C10orf67: variants seen among roughly 807,000 people sequenced by gnomAD.
The protein encoded by C10orf67 is uncharacterized protein C10orf67, mitochondrial.
In C10orf67, 60 loss-of-function variants were observed where a neutral mutation model predicts 35.6. That is an observed-to-expected ratio of 1.68 (90% confidence interval 1.37 to 2.09). The LOEUF is 2.09. Among genes scored for constraint, C10orf67 ranks in the 30% most tolerant of loss-of-function variants. C10orf67 has a pLI of 0.00. For missense variants in C10orf67, 474 were observed against 330.2 expected (o/e 1.44, Z -3.38); for synonymous variants, 167 against 115.8 (o/e 1.44, Z -2.84).
chr10:23,226,076 G>A (rs1441787261), intron 13 of C10orf67, among the ~76,000 whole-genome samples: 1 of 152,130 alleles, frequency 6.6e-6, no homozygotes, highest in Non-Finnish European at 1.5e-5. Context: ...ACTCAGCTCT[G>A]CACCAAGCAG....
chr10:23,269,717 A>G lies in C10orf67; in HGVS notation c.976-2463T>C, dbSNP rs1043489652. On this transcript the variant is annotated intron_variant, in intron 8 of 15. Coordinates refer to ENST00000636213, the MANE Select transcript of C10orf67 (RefSeq NM_001371909.1). ...TGAAAAAGGAATGCAACACAAACAT[A>G]AGAAGGCTGGAGAAAATGCATTTAT... Among the ~76,000 whole-genome samples, 3 of 152,036 alleles carry G rather than the reference A, an allele frequency of 2.0e-5. 1 individual carries two copies. The South Asian group carries it at 6.2e-4, about 32-fold the overall frequency.
intron 6 of C10orf67, 36 bp downstream of exon 6, chr10:23,291,096 T>C (rs1843706944): frequency 1.4e-6 from 1 of 692,928 alleles, no homozygotes; most frequent in Non-Finnish European, 2.7e-6. Context: ...GTGACCAATA[T>C]ACAGATTTTT....
chr10:23,337,762 C>T (rs143281121), intron 1 of C10orf67, among the ~76,000 whole-genome samples: 5 of 152,138 alleles, frequency 3.3e-5, no homozygotes, highest in East Asian at 3.9e-4. Context: ...GAACCCAACC[C>T]GAGAAGTTCT....
At chr10:23,265,924 T>A (rs1842872272) in intron 10 of C10orf67, among the ~76,000 whole-genome samples, 1 of 152,216 alleles carries the variant, frequency 6.6e-6, no homozygotes. Context: ...CTTCCCGGAA[T>A]CTTCTGATGA....
In C10orf67 at chr10:23,282,019, C is replaced by G; in HGVS notation, c.969G>C (p.Gln323His). 1 of 621,682 alleles carries G rather than the reference C, an allele frequency of 1.6e-6. No individual in the cohort carries two copies. Among genetic ancestry groups the G allele is most frequent in the Non-Finnish European group, 2.9e-6 (1 of 342,830 alleles). The allele number at this position is 621,682 out of a possible 1,614,324, so 38.5% of individuals were successfully genotyped here. The change falls in exon 8 of 16, where the codon CAG becomes CAC. Residue 323 changes from glutamine (Q) to histidine (H), a missense_variant. Physicochemically the swap from Gln to His is conservative, Grantham distance 24 (BLOSUM62 0). Transcript: ENST00000636213. ...ATAATGTAAATCATCTTACCACATC[C>G]TGAACTAATGATTTTTCATAATGAA... ...EELHYEKSLVQDVINKQKEDK... is the reference protein window; with the variant it reads ...EELHYEKSLVHDVINKQKEDK...
At chr10:23,253,611 A>G (rs1243962617) in intron 10 of C10orf67, among the ~76,000 whole-genome samples, 1 of 152,230 alleles carries the variant, frequency 6.6e-6, no homozygotes, top group Non-Finnish European at 1.5e-5. Flanking sequence ...GAAAGACATT[A>G]ATATACTTAT....
intron 15 of C10orf67, among the ~76,000 whole-genome samples, chr10:23,218,446 C>A (rs532450027): frequency 4.9e-4 from 75 of 151,952 alleles, no homozygotes; most frequent in African/African-American, 1.8e-3. Flanking sequence ...CCACTCCCAG[C>A]CCCAGGTTTT....
intron 13 of C10orf67, among the ~76,000 whole-genome samples, chr10:23,232,491 AT>A (rs1841938305): frequency 6.6e-6 from 1 of 152,248 alleles, no homozygotes; most frequent in Admixed American, 6.5e-5. Flanking sequence ...GTTCCCTGGC[AT>A]TTAGTTTGCC....
At chr10:23,246,495 A>C (rs1842319940) in intron 12 of C10orf67, among the ~76,000 whole-genome samples, 1 of 152,262 alleles carries the variant, frequency 6.6e-6, no homozygotes, top group Non-Finnish European at 1.5e-5. Flanking sequence ...CAATAGACTA[A>C]GAAAAAAGGA....
intron 10 of C10orf67, among the ~76,000 whole-genome samples, chr10:23,254,247 G>A (rs1199703581): frequency 2.0e-5 from 3 of 152,050 alleles, no homozygotes; most frequent in African/African-American, 2.4e-5. Context: ...CACTCTTGTT[G>A]CCCAGGCTGG....
Position 23,312,273 on chromosome 10 carries a change from T to C in C10orf67, c.546+8468A>G, listed in dbSNP as rs577808364. On this transcript the variant is annotated intron_variant, in intron 4 of 15. Transcript: ENST00000636213. ...ATAACAGTGAGCTCATGGATTCCTA[T>C]TTTACTCAAATGGTTACAATTCATA... Among the ~76,000 whole-genome samples, 4 of 152,334 alleles carry C rather than the reference T, an allele frequency of 2.6e-5. No homozygotes were observed. In the South Asian group the frequency reaches 8.3e-4, roughly 32 times the overall value.
intron 3 of C10orf67, among the ~76,000 whole-genome samples, chr10:23,321,215 T>A (rs1844942763): frequency 6.6e-6 from 1 of 152,206 alleles, no homozygotes. Flanking sequence ...GTCTGCAAAC[T>A]AGAGTTATTT....
At chr10:23,280,136 T>A (rs1246664579) in intron 8 of C10orf67, among the ~76,000 whole-genome samples, 2 of 152,230 alleles carry the variant, frequency 1.3e-5, no homozygotes, top group Non-Finnish European at 2.9e-5. Context: ...ATTACAGGCA[T>A]GAGCTGCCAC....
At chr10:23,231,513 A>G (rs1440978761) in intron 13 of C10orf67, among the ~76,000 whole-genome samples, 2 of 152,200 alleles carry the variant, frequency 1.3e-5, no homozygotes, top group Admixed American at 6.5e-5. Context: ...GCCTGGAGCC[A>G]CTTGCTTCTT....
In C10orf67 at chr10:23,267,318, A is replaced by G. The variant is rs1033992547; in HGVS notation, c.976-64T>C. The G allele has an allele frequency of 6.1e-6, 4 of 658,230 alleles. No homozygotes were observed. The African/African-American group carries it at 7.3e-5, about 12-fold the overall frequency. 40.8% of individuals were successfully genotyped at this position (658,230 alleles called of 1,614,324 possible). A position where few individuals can be genotyped will look rare whatever the true frequency, so the allele number is the denominator to read the frequency against. On this transcript the variant is annotated intron_variant, in intron 8 of 15. Coordinates refer to ENST00000636213, the MANE Select transcript of C10orf67 (RefSeq NM_001371909.1). ...CAAAGATTAAAAAAGACAATTTTCT[A>G]TAAAACTTCTATAAGCAATGAAAGA...
chr10:23,227,317 A>G (rs1209691694), intron 13 of C10orf67, among the ~76,000 whole-genome samples: 1 of 152,222 alleles, frequency 6.6e-6, no homozygotes, highest in African/African-American at 2.4e-5. Flanking sequence ...CAGCATATAA[A>G]CAGAACCAAA....
chr10:23,270,114 T>C (rs1842977416), intron 8 of C10orf67, among the ~76,000 whole-genome samples: 1 of 152,074 alleles, frequency 6.6e-6, no homozygotes, highest in South Asian at 2.1e-4. Context: ...GCAGCTGTGG[T>C]CCATGGCTGT....
chr10:23,315,753 C>T (rs1844680695), intron 4 of C10orf67, among the ~76,000 whole-genome samples: 1 of 152,036 alleles, frequency 6.6e-6, no homozygotes. Flanking sequence ...TTTTAAAAAC[C>T]ACGAAATTCT....
chr10:23,309,580 G>A lies in C10orf67; in HGVS notation c.547-6121C>T, dbSNP rs1219596290. Among the ~76,000 whole-genome samples the A allele has an allele frequency of 2.0e-5, 3 of 152,206 alleles. No individual in the cohort carries two copies. In the East Asian group the frequency reaches 5.8e-4, roughly 29 times the overall value. On this transcript the variant is annotated intron_variant, in intron 4 of 15. Transcript: ENST00000636213. Reference sequence around the variant, plus strand: ...CCAGCAAAACAAAGATTGCATGACAGCGCAGAAACCAATGCACTAAAAATT... The same window carrying A: ...CCAGCAAAACAAAGATTGCATGACAACGCAGAAACCAATGCACTAAAAATT...
Sources: gnomAD v4.1 joint callset for allele counts (sites outside exome capture counted in the v4.1 genomes callset) on GRCh38, gnomAD v4.1.1 for gene constraint, MANE v1.5 for transcripts, NCBI Gene and HGNC (gene_info 2026-07-23, HGNC 2026-07-21) for gene names.